CAPN9: variants seen among roughly 807,000 people sequenced by gnomAD.
CAPN9 encodes calpain-9.
CAPN9 carries 81 observed loss-of-function variants against 92.8 expected under a neutral mutation model. That is an observed-to-expected ratio of 0.87 (90% CI 0.73 to 1.05). The LOEUF is 1.05. Ranked by LOEUF, CAPN9 falls within the 50% of genes least tolerant of loss-of-function variation. The pLI, the probability that CAPN9 is intolerant of heterozygous loss-of-function variation, is 0.00. For synonymous variants in CAPN9, 304 were observed against 328.0 expected, an observed-to-expected ratio of 0.93 and a Z score of 0.79; for missense variants, 848 against 866.2, an observed-to-expected ratio of 0.98 and a Z score of 0.26.
intron 12 of CAPN9, among the ~76,000 whole-genome samples, chr1:230,787,257 T>G (rs1284560902): frequency 6.6e-6 from 1 of 152,106 alleles, no homozygotes; most frequent in African/African-American, 2.4e-5. Flanking sequence ...GGACCTAACT[T>G]AGGCACGGGT....
Position 230,788,524 on chromosome 1 carries a change from C to T in CAPN9, c.1599+922C>T, listed in dbSNP as rs546053289. Among the ~76,000 whole-genome samples the T allele has an allele frequency of 9.5e-4, 144 of 152,280 alleles. 1 individual carries two copies. Among genetic ancestry groups the T allele is most frequent in the Non-Finnish European group, 1.4e-3 (93 of 68,024 alleles). Reference sequence around the variant, plus strand: ...GACTCTATTAGCTTCATGTGTTTCCCCAAACTGGGGTTCCTGAATTATGAA... The same window carrying T: ...GACTCTATTAGCTTCATGTGTTTCCTCAAACTGGGGTTCCTGAATTATGAA... On this transcript the variant is annotated intron_variant, in intron 13 of 19. Transcript: ENST00000271971.
intron 12 of CAPN9, among the ~76,000 whole-genome samples, chr1:230,787,092 C>T (rs1667642897): frequency 6.6e-6 from 1 of 152,212 alleles, no homozygotes; most frequent in Non-Finnish European, 1.5e-5. Flanking sequence ...TGAGCTCTTT[C>T]TATATACCAA....
intron 3 of CAPN9, among the ~76,000 whole-genome samples, chr1:230,760,337 G>T (rs1334739259): frequency 1.3e-5 from 2 of 152,196 alleles, no homozygotes; most frequent in Non-Finnish European, 2.9e-5. Flanking sequence ...ACAGTTCCCT[G>T]CAGGCTTCCC....
At chr1:230,751,808 T>C (rs1215340970) in intron 1 of CAPN9, among the ~76,000 whole-genome samples, 1 of 139,114 alleles carries the variant, frequency 7.2e-6, no homozygotes, top group Non-Finnish European at 1.5e-5. Flanking sequence ...TCCAGGGTGC[T>C]TGGCCCTTAG....
intron 18 of CAPN9, among the ~76,000 whole-genome samples, chr1:230,797,761 C>T (rs1383591466): frequency 6.6e-6 from 1 of 152,196 alleles, no homozygotes; most frequent in African/African-American, 2.4e-5. Flanking sequence ...ACAGCACCCA[C>T]GGCACCTTCC....
chr1:230,780,319 G>A lies in CAPN9; in HGVS notation c.1255G>A (p.Gly419Ser), dbSNP rs377218570. 68 of 1,613,822 alleles carry A rather than the reference G, an allele frequency of 4.2e-5. No individual in the cohort carries two copies. The highest frequency in any genetic ancestry group is 2.7e-4 in the East Asian group (12 of 44,894). Residue 419 changes from glycine to serine, a missense_variant, in exon 10 of 20, where the codon GGC (glycine) becomes AGC (serine). Transcript: ENST00000271971. ...ATTTGGTGCCAATGTGCTGACAATC[G>A]GCTATGCCATTTATGAGGTAGGTGG... ...KRFGANVLTI[G>S]YAIYECPDKD...
intron 4 of CAPN9, among the ~76,000 whole-genome samples, chr1:230,767,163 C>T (rs1260094255): frequency 3.9e-5 from 6 of 152,094 alleles, no homozygotes; most frequent in South Asian, 2.1e-4. Flanking sequence ...ACGATTTGAA[C>T]CTCACAGCAG....
At chr1:230,750,896 G>A (rs1421727008) in intron 1 of CAPN9, among the ~76,000 whole-genome samples, 3 of 152,136 alleles carry the variant, frequency 2.0e-5, no homozygotes, top group African/African-American at 7.2e-5. Flanking sequence ...GAGAGAAGGT[G>A]AGATCACCCC....
At chr1:230,779,958 G>C (rs1270302551) in intron 9 of CAPN9, among the ~76,000 whole-genome samples, 1 of 152,172 alleles carries the variant, frequency 6.6e-6, no homozygotes, top group Non-Finnish European at 1.5e-5. Flanking sequence ...TGAAAGAGAG[G>C]ATATTTTGCA....
intron 4 of CAPN9, 118 bp downstream of exon 4, chr1:230,762,904 C>T (rs912755224): frequency 2.6e-5 from 28 of 1,083,520 alleles, no homozygotes; most frequent in Non-Finnish European, 3.5e-5. Flanking sequence ...AGGTGAGGCT[C>T]GGCAGGACCC....
chr1:230,800,684 A>G (rs1668676194), intron 19 of CAPN9, among the ~76,000 whole-genome samples: 5 of 152,208 alleles, frequency 3.3e-5, no homozygotes, highest in Non-Finnish European at 1.5e-5. Flanking sequence ...GCATGTTAGC[A>G]TCACCTGGGG....
At chr1:230,776,144 A>T (rs1370544533) in intron 8 of CAPN9, 1 of 152,182 alleles carries the variant, frequency 6.6e-6, no homozygotes, top group African/African-American at 2.4e-5. Context: ...CAAGAAGATG[A>T]CACAGGCAGT....
intron 4 of CAPN9, 139 bp from the exon 5 acceptor site, chr1:230,767,402 C>T (rs987391149): frequency 1.6e-5 from 10 of 638,498 alleles, no homozygotes; most frequent in African/African-American, 1.1e-4. Context: ...ACTTGCTTCC[C>T]GTCTTCCTTC....
At chr1:230,766,951 C>A (rs1276805148) in intron 4 of CAPN9, among the ~76,000 whole-genome samples, 1 of 152,108 alleles carries the variant, frequency 6.6e-6, no homozygotes, top group Non-Finnish European at 1.5e-5. Flanking sequence ...AATTCAGTCA[C>A]CTCCCACCAG....
chr1:230,775,117 A>G (rs183994531), intron 8 of CAPN9, among the ~76,000 whole-genome samples: 3 of 151,406 alleles, frequency 2.0e-5, no homozygotes, highest in African/African-American at 4.9e-5. Flanking sequence ...GGGAAATTTA[A>G]TCTCCCTCCT....
chr1:230,781,769 AT>A (rs1435194101), intron 11 of CAPN9, among the ~76,000 whole-genome samples: 2 of 152,378 alleles, frequency 1.3e-5, no homozygotes, highest in South Asian at 2.1e-4. Context: ...CTGTGAATAC[AT>A]GACTCACTCT....
Position 230,772,072 on chromosome 1 carries a change from T to A in CAPN9, c.848T>A (p.Val283Asp). The A allele has an allele frequency of 6.2e-7, 1 of 1,614,198 alleles. No homozygotes were observed. Among genetic ancestry groups the A allele is most frequent in the Admixed American group, 1.7e-5 (1 of 60,024 alleles). ...CGAATCCGGAACCCTTGGGGCCAGG[T>A]TGAGTGGAACGGGTCGTGGAGCGAC... The part of the protein sequence containing the change: ...LIRIRNPWGQ[V>D]EWNGSWSDSS... The change falls in exon 7 of 20, where the codon GTT becomes GAT. Residue 283 changes from valine to aspartate, a missense_variant. By Grantham distance (152) the Val-to-Asp change is radical. Coordinates refer to ENST00000271971, the MANE Select transcript of CAPN9 (RefSeq NM_006615.3).
intron 7 of CAPN9, 151 bp downstream of exon 7, chr1:230,772,250 T>C: frequency 1.5e-6 from 1 of 646,220 alleles, no homozygotes; most frequent in Non-Finnish European, 2.7e-6. Flanking sequence ...CCCTTCTTCC[T>C]CCCCTTTCAG....
intron 1 of CAPN9, among the ~76,000 whole-genome samples, chr1:230,751,577 G>A (rs1428881164): frequency 0.018 from 785 of 43,496 alleles, 19 homozygotes; most frequent in African/African-American, 0.081. Context: ...AAAGAAAGAA[G>A]AAAGAAACAA....
Sources: gnomAD v4.1 joint callset for allele counts (sites outside exome capture counted in the v4.1 genomes callset) on GRCh38, gnomAD v4.1.1 for gene constraint, MANE v1.5 for transcripts, NCBI Gene and HGNC (gene_info 2026-07-23, HGNC 2026-07-21) for gene names.